APOOL: variants seen among roughly 807,000 people sequenced by gnomAD.
The protein encoded by APOOL is MICOS complex subunit MIC27.
APOOL carries 12 observed loss-of-function variants against 23.1 expected under a neutral mutation model. The observed-to-expected ratio is 0.52, with a 90% confidence interval of 0.33 to 0.84. APOOL has a LOEUF of 0.84. APOOL is among the 40% of genes least tolerant of loss of function. The probability of loss-of-function intolerance (pLI) is 0.02; values close to 1 mark genes in which losing one functional copy is unlikely to be tolerated. For synonymous variants in APOOL, 77 were observed against 69.9 expected (o/e 1.10, Z -0.51); for missense variants, 212 against 199.6 (o/e 1.06, Z -0.37).
chrX:85,047,237 G>A (rs889380210), intron 2 of APOOL, among the ~76,000 whole-genome samples: 1 of 111,877 alleles, frequency 8.9e-6, no homozygotes, highest in African/African-American at 3.2e-5. Flanking sequence ...AAAGCGTTTA[G>A]TAGCTTCAAC....
At chrX:85,012,763 T>G (rs1254089862) in intron 1 of APOOL, among the ~76,000 whole-genome samples, 1 of 112,146 alleles carries the variant, frequency 8.9e-6, no homozygotes, top group African/African-American at 3.2e-5. Context: ...TGTTGAGGAT[T>G]TTTGCATCTG....
Position 85,092,248 on chromosome X carries a change from A to G in APOOL, c.*4570A>G, listed in dbSNP as rs1924540607. 1 of 663,461 alleles carries G rather than the reference A, an allele frequency of 1.5e-6. No homozygotes were observed. The highest frequency in any genetic ancestry group is 2.2e-5 in the African/African-American group (1 of 45,475). 54.7% of individuals were successfully genotyped at this position (663,461 alleles called of 1,213,427 possible). On this transcript the variant is annotated 3_prime_UTR_variant, in exon 9 of 9. Coordinates refer to ENST00000373173, the MANE Select transcript of APOOL (RefSeq NM_198450.6). Reference sequence around the variant, plus strand: ...ATGGAAAGTTGACTAGAGCTACAAAATCTGTTTCAAAATAAAAGATCTGCT... The same window carrying G: ...ATGGAAAGTTGACTAGAGCTACAAAGTCTGTTTCAAAATAAAAGATCTGCT...
chrX:85,030,243 A>C (rs1369392009), intron 1 of APOOL, among the ~76,000 whole-genome samples: 1 of 111,861 alleles, frequency 8.9e-6, no homozygotes, highest in Admixed American at 9.5e-5. Context: ...TTCTAAGTGA[A>C]GTAACACAGG....
At chrX:85,040,973 C>T (rs933458084) in intron 1 of APOOL, among the ~76,000 whole-genome samples, 3 of 111,863 alleles carry the variant, frequency 2.7e-5, no homozygotes, top group African/African-American at 6.5e-5. Context: ...TCCAGTTGCC[C>T]GAGTTCTTGC....
intron 8 of APOOL, among the ~76,000 whole-genome samples, chrX:85,074,643 G>A (rs1393826795): frequency 9.1e-6 from 1 of 110,026 alleles, no homozygotes; most frequent in Admixed American, 9.9e-5. Context: ...ATTAGGTGAA[G>A]CATTTAATAT....
intron 1 of APOOL, among the ~76,000 whole-genome samples, chrX:85,019,805 C>G (rs1921596923): frequency 8.9e-6 from 1 of 112,094 alleles, no homozygotes; most frequent in South Asian, 3.7e-4. Context: ...CCAGCAGTGA[C>G]AGGACCAAGA....
chrX:85,039,828 C>T (rs56214556), intron 1 of APOOL, among the ~76,000 whole-genome samples: 5,008 of 111,658 alleles, frequency 0.045, 249 homozygotes, highest in African/African-American at 0.15. Context: ...AGGCAGCATA[C>T]AATTGGTTTT....
chrX:85,028,084 A>G (rs965829053), intron 1 of APOOL, among the ~76,000 whole-genome samples: 2 of 112,111 alleles, frequency 1.8e-5, no homozygotes, highest in African/African-American at 6.5e-5. Flanking sequence ...TGACACTTCT[A>G]TTAAGTTTTT....
intron 6 of APOOL, among the ~76,000 whole-genome samples, chrX:85,069,559 G>A (rs1923587022): frequency 2.1e-5 from 2 of 96,435 alleles, no homozygotes; most frequent in East Asian, 6.5e-4. Flanking sequence ...GCAGTGAGCC[G>A]AGATTGCACC....
At position 85,088,057 on chromosome X, in the gene APOOL, TATATGTATAAATACATATAC is replaced by T. The variant is rs1362613357; in HGVS notation, c.*384_*403del. The T allele has an allele frequency of 4.7e-4, 7 of 14,909 alleles. 1 individual carries two copies. Among genetic ancestry groups the T allele is most frequent in the African/African-American group, 2.1e-3 (7 of 3,404 alleles). The allele number at this position is 14,909 out of a possible 1,213,427, so 1.2% of individuals were successfully genotyped here. On this transcript the variant is annotated 3_prime_UTR_variant, in exon 9 of 9. Transcript: ENST00000373173. ...ACATGTATAAATACGTATTTATACA[TATATGTATAAATACATATAC>T]ATATATGTATAAATACATATACATA...
intron 6 of APOOL, among the ~76,000 whole-genome samples, chrX:85,070,513 AAAAG>A (rs1923627137): frequency 8.9e-6 from 1 of 112,080 alleles, no homozygotes; most frequent in Non-Finnish European, 1.9e-5. Flanking sequence ...ACGCCTGTTT[AAAAG>A]AAAAATAAAC....
intron 4 of APOOL, 46 bp from the exon 5 acceptor site, chrX:85,055,781 C>G: frequency 1.1e-6 from 1 of 906,732 alleles, no homozygotes; most frequent in Non-Finnish European, 1.6e-6. Context: ...ATAGAATATC[C>G]AGTAGAATTC....
intron 1 of APOOL, among the ~76,000 whole-genome samples, chrX:85,037,717 T>C (rs1189477404): frequency 2.7e-5 from 3 of 111,194 alleles, no homozygotes; most frequent in Non-Finnish European, 5.7e-5. Context: ...TACAAAAACA[T>C]AAAGTAGGGA....
intron 1 of APOOL, among the ~76,000 whole-genome samples, chrX:85,005,707 G>A (rs1421854344): frequency 9.0e-6 from 1 of 110,535 alleles, no homozygotes; most frequent in Non-Finnish European, 1.9e-5. Flanking sequence ...GGACAGAAGA[G>A]ATTAAGTGGT....
intron 6 of APOOL, among the ~76,000 whole-genome samples, chrX:85,067,627 AACACACACACACAC>A (rs758966009): frequency 8.8e-5 from 8 of 90,403 alleles, no homozygotes; most frequent in South Asian, 6.2e-4. Context: ...CTGAAGGTAA[AACACACACACACAC>A]ACACACACAC....
chrX:85,079,540 T>A (rs1259522169), intron 8 of APOOL, among the ~76,000 whole-genome samples: 2 of 110,673 alleles, frequency 1.8e-5, no homozygotes, highest in African/African-American at 6.7e-5. Flanking sequence ...GGAATATTGG[T>A]CTAAAATTCT....
At chrX:85,040,535 A>G (rs1922369548) in intron 1 of APOOL, among the ~76,000 whole-genome samples, 1 of 111,687 alleles carries the variant, frequency 9.0e-6, no homozygotes, top group Non-Finnish European at 1.9e-5. Flanking sequence ...GATGCCAGTG[A>G]GTCATTGGTT....
intron 5 of APOOL, among the ~76,000 whole-genome samples, chrX:85,061,590 T>G (rs758325011): frequency 1.5e-3 from 163 of 112,120 alleles, no homozygotes; most frequent in African/African-American, 5.2e-3. Context: ...AGATTCAGCT[T>G]CTTCCTGGTT....
At chrX:85,078,883 T>G (rs1218028762) in intron 8 of APOOL, among the ~76,000 whole-genome samples, 5 of 111,645 alleles carry the variant, frequency 4.5e-5, no homozygotes, top group Non-Finnish European at 9.4e-5. Flanking sequence ...ATGATTTGGC[T>G]CTCTGTTTGT....
Sources: gnomAD v4.1 joint callset for allele counts (sites outside exome capture counted in the v4.1 genomes callset) on GRCh38, gnomAD v4.1.1 for gene constraint, MANE v1.5 for transcripts, NCBI Gene and HGNC (gene_info 2026-07-23, HGNC 2026-07-21) for gene names.